ATP12A: variants seen among roughly 807,000 people sequenced by gnomAD.
ATP12A encodes ATPase H+/K+ transporting non-gastric alpha2 subunit, also known as potassium-transporting ATPase alpha chain 2.
A neutral mutation model predicts 111.2 loss-of-function variants in ATP12A; 81 were observed. That is an observed-to-expected ratio of 0.73 (90% confidence interval 0.61 to 0.88). The LOEUF (loss-of-function observed/expected upper bound fraction) is 0.88, where lower values mean the gene tolerates loss of function less well. Among genes scored for constraint, ATP12A ranks in the 40% least tolerant of loss-of-function variants. The probability of loss-of-function intolerance (pLI) is 0.00; values close to 1 mark genes in which losing one functional copy is unlikely to be tolerated. For missense variants in ATP12A, 1,196 were observed against 1,313.1 expected, an observed-to-expected ratio of 0.91 and a Z score of 1.38; for synonymous variants, 498 against 499.8, an observed-to-expected ratio of 1.00 and a Z score of 0.05.
rs756959120 is a variant in ATP12A at position 24,681,562 on chromosome 13, A to G, written c.10A>G (p.Lys4Glu). ...TATTGCACCTGGGCTTCTCTTTCAG[A>G]AAACCCCAGAAATTTACTCCGTGGA... is the stretch of plus-strand genomic sequence containing the variant. MHQ[K>E]TPEIYSVELS... The change falls in exon 2 of 23, where the codon AAA becomes GAA. Residue 4 changes from lysine to glutamate, a missense_variant and splice_region_variant. By Grantham distance (56) the Lys-to-Glu change is moderately conservative. This residue lies in a region of ATP12A where 67 missense variants were observed against 64.0 expected (regional missense o/e 1.05). Transcript: ENST00000381946. 1.2e-6 allele frequency: 2 copies of G among 1,608,728 alleles called. No homozygotes were observed. The highest frequency in any genetic ancestry group is 1.7e-6 in the Non-Finnish European group (2 of 1,178,708).
Position 24,694,537 on chromosome 13 carries a change from A to C in ATP12A, c.1471A>C (p.Lys491Gln). 6.2e-7 allele frequency: 1 copy of C among 1,613,844 alleles called. No homozygotes were observed. The highest frequency in any genetic ancestry group is 8.5e-7 in the Non-Finnish European group (1 of 1,180,034). ...GATGGAAATTAGAAAAAGAAACCGC[A>C]AAGTAGCTGAAATCCCTTTTAACTC... ...DVMEIRKRNRKVAEIPFNSTN... is the reference protein window; with the variant it reads ...DVMEIRKRNRQVAEIPFNSTN... The change falls in exon 11 of 23, where the codon AAA becomes CAA. Residue 491 changes from lysine to glutamine, a missense_variant. By Grantham distance (53) the Lys-to-Gln change is moderately conservative. Transcript: ENST00000381946.
chr13:24,709,547 TGGG>T, intron 18 of ATP12A, 60 bp downstream of exon 18: 1 of 1,597,382 alleles, frequency 6.3e-7, no homozygotes, highest in Admixed American at 1.7e-5. Context: ...TTCACTGGAG[TGGG>T]GGGCACAGCC....
intron 11 of ATP12A, among the ~76,000 whole-genome samples, chr13:24,695,161 C>T (rs1357636498): frequency 1.3e-5 from 2 of 152,238 alleles, no homozygotes; most frequent in African/African-American, 4.8e-5. Context: ...ACCAGGTCCA[C>T]GATTCTTCCA....
intron 17 of ATP12A, among the ~76,000 whole-genome samples, chr13:24,707,970 A>G (rs1208872775): frequency 6.6e-6 from 1 of 151,610 alleles, no homozygotes; most frequent in Non-Finnish European, 1.5e-5. Flanking sequence ...TTTTCAAGAC[A>G]TGAGTCTTCA....
At position 24,690,329 on chromosome 13, in the gene ATP12A, T is replaced by C. The variant is rs1262491555; in HGVS notation, c.547-9T>C. The stretch of plus-strand genomic sequence containing the variant: ...GGTCTGAGGCATCTGTCATGGTTTT[T>C]TTCTGCAGCAAGCTCTCGTCATCCG... On this transcript the variant is annotated splice_polypyrimidine_tract_variant and intron_variant, in intron 5 of 22. Coordinates refer to ENST00000381946, the MANE Select transcript of ATP12A (RefSeq NM_001676.7). The C allele has an allele frequency of 6.2e-7, 1 of 1,613,144 alleles. No individual in the cohort carries two copies. The highest frequency in any genetic ancestry group is 8.5e-7 in the Non-Finnish European group (1 of 1,179,858).
At chr13:24,681,848 G>T in intron 2 of ATP12A, 128 bp downstream of exon 2, 1 of 1,253,568 alleles carries the variant, frequency 8.0e-7, no homozygotes, top group Non-Finnish European at 1.1e-6. Flanking sequence ...GATTGTGTGT[G>T]GTGTGTGGTG....
chr13:24,700,631 T>A, intron 12 of ATP12A, 116 bp from the exon 13 acceptor site: 4 of 875,882 alleles, frequency 4.6e-6, no homozygotes, highest in Non-Finnish European at 6.8e-6. Context: ...AATTCTGGCT[T>A]ATTCTAATGT....
At chr13:24,705,576 C>G (rs2137718168) in intron 14 of ATP12A, among the ~76,000 whole-genome samples, 2 of 152,244 alleles carry the variant, frequency 1.3e-5, no homozygotes, top group East Asian at 3.8e-4. Flanking sequence ...CTCTGTAAAT[C>G]TGAAATACCC....
At position 24,694,533 on chromosome 13, in the gene ATP12A, C is replaced by T. The variant is rs186395106; in HGVS notation, c.1467C>T (p.Asn489=). 1 of 1,613,896 alleles carries T rather than the reference C, an allele frequency of 6.2e-7. No individual in the cohort carries two copies. The highest frequency in any genetic ancestry group is 1.7e-5 in the Admixed American group (1 of 60,026). ...ATGTGATGGAAATTAGAAAAAGAAA[C>T]CGCAAAGTAGCTGAAATCCCTTTTA... ...LGDVMEIRKR[N]RKVAEIPFNS... is the part of the protein sequence containing the mutation. The change falls in exon 11 of 23, where the codon AAC becomes AAT. Residue 489 remains asparagine (N), a synonymous_variant. Coordinates refer to ENST00000381946, the MANE Select transcript of ATP12A (RefSeq NM_001676.7).
chr13:24,694,863 A>T (rs200848436), intron 11 of ATP12A, among the ~76,000 whole-genome samples: 49 of 30,590 alleles, frequency 1.6e-3, no homozygotes, highest in East Asian at 0.016. Flanking sequence ...TCTCTCTCTC[A>T]CACACACACA....
In ATP12A at chr13:24,698,870, C is replaced by T; in HGVS notation, c.1705+20C>T. Reference sequence around the variant, plus strand: ...TGCTGGGTGAGTGCGGCGGCAGGGCCCTGCCCATCACCTGGTGGGCACAGA... The same window carrying T: ...TGCTGGGTGAGTGCGGCGGCAGGGCTCTGCCCATCACCTGGTGGGCACAGA... On this transcript the variant is annotated intron_variant, in intron 12 of 22. Coordinates refer to ENST00000381946, the MANE Select transcript of ATP12A (RefSeq NM_001676.7). 6.2e-7 allele frequency: 1 copy of T among 1,610,982 alleles called. No individual in the cohort carries two copies. Among genetic ancestry groups the T allele is most frequent in the South Asian group, 1.1e-5 (1 of 90,784 alleles).
rs1566078416 is a variant in ATP12A, at chr13:24,708,964, G to GAAAGAAAGAAA, written c.2494-400_2494-399insAAAGAAAGAAA. The stretch of plus-strand genomic sequence containing the variant: ...AAGAAAGAAAGAAAGAAAGAAAGAA[G>GAAAGAAAGAAA]GAAAGAGAAAGAGAAATGAATGCAA... On this transcript the variant is annotated intron_variant, in intron 17 of 22. Transcript: ENST00000381946. 3.0e-4 allele frequency among the ~76,000 whole-genome samples: 34 copies of GAAAGAAAGAAA among 114,822 alleles called. 1 individual carries two copies. The highest frequency in any genetic ancestry group is 1.9e-3 in the East Asian group (6 of 3,226). The allele number at this position is 114,822 out of a possible 152,430, so 75.3% of individuals were successfully genotyped here. A position where few individuals can be genotyped will look rare whatever the true frequency, so the allele number is the denominator to read the frequency against.
At chr13:24,688,154 G>A (rs1874735150) in intron 3 of ATP12A, among the ~76,000 whole-genome samples, 165 bp from the exon 4 acceptor site, 1 of 152,154 alleles carries the variant, frequency 6.6e-6, no homozygotes, top group Non-Finnish European at 1.5e-5. Context: ...AAAAAAGCTG[G>A]GCAGCTGGAG....
chr13:24,702,732 G>C (rs149804102), intron 14 of ATP12A, among the ~76,000 whole-genome samples: 2 of 152,166 alleles, frequency 1.3e-5, no homozygotes, highest in African/African-American at 4.8e-5. Flanking sequence ...GTAGCAAACT[G>C]AACAATACTA....
At chr13:24,681,518 A>C in intron 1 of ATP12A, 44 bp from the exon 2 acceptor site, 4 of 1,592,090 alleles carry the variant, frequency 2.5e-6, no homozygotes, top group Non-Finnish European at 3.4e-6. Flanking sequence ...ACCTCTTCGG[A>C]AACCCCATTT....
Position 24,698,642 on chromosome 13 carries a change from G to A in ATP12A, c.1513-16G>A, listed in dbSNP as rs762112931. On this transcript the variant is annotated splice_polypyrimidine_tract_variant and intron_variant, in intron 11 of 22. Transcript: ENST00000381946. Reference sequence around the variant, plus strand: ...CACCTTTCTGTAAGTAACACGCTCAGTTCATTCCTTCCCAGCTCTCCATCC... The same window carrying A: ...CACCTTTCTGTAAGTAACACGCTCAATTCATTCCTTCCCAGCTCTCCATCC... 41 of 1,611,594 alleles carry A rather than the reference G, an allele frequency of 2.5e-5. No individual in the cohort carries two copies. The East Asian group carries it at 7.1e-4, about 28-fold the overall frequency.
chr13:24,707,037 T>C lies in ATP12A; in HGVS notation c.2184T>C (p.Ala728=). ...CCCCGCCATAGGATGCTGTTGTTGCTGTGACCGGGGATGGAGTTAATGACT... is the reference window on the plus strand; with the variant it reads ...CCCCGCCATAGGATGCTGTTGTTGCCGTGACCGGGGATGGAGTTAATGACT... ...EGCQRQDAVV[A]VTGDGVNDSP... is the part of the protein sequence containing the mutation. Residue 728 remains alanine, a synonymous_variant, in exon 16 of 23, where the codon GCT becomes GCC. Transcript: ENST00000381946. 6.2e-7 allele frequency: 1 copy of C among 1,605,898 alleles called. No individual in the cohort carries two copies. The highest frequency in any genetic ancestry group is 8.5e-7 in the Non-Finnish European group (1 of 1,175,226).
chr13:24,681,847 T>C, intron 2 of ATP12A, 127 bp downstream of exon 2: 4 of 1,254,060 alleles, frequency 3.2e-6, no homozygotes, highest in Non-Finnish European at 4.4e-6. Flanking sequence ...AGATTGTGTG[T>C]GGTGTGTGGT....
Position 24,701,984 on chromosome 13 carries a change from A to G in ATP12A, c.1931A>G (p.Lys644Arg), listed in dbSNP as rs1875418577. 6.2e-7 allele frequency: 1 copy of G among 1,614,112 alleles called. No individual in the cohort carries two copies. Among genetic ancestry groups the G allele is most frequent in the Non-Finnish European group, 8.5e-7 (1 of 1,180,038 alleles). ...CCCATCACAGCCAAAGCTATTGCCA[A>G]GAGTGTGGGGATCATTTCAGCCAAC... is the stretch of plus-strand genomic sequence containing the variant. ...DHPITAKAIAKSVGIISANSE... is the reference protein window; with the variant it reads ...DHPITAKAIARSVGIISANSE... Residue 644 changes from lysine (K) to arginine (R), a missense_variant, in exon 14 of 23, where the codon AAG becomes AGG. By Grantham distance (26) the Lys-to-Arg change is conservative. Coordinates refer to ENST00000381946, the MANE Select transcript of ATP12A (RefSeq NM_001676.7).
Sources: gnomAD v4.1 joint callset for allele counts (sites outside exome capture counted in the v4.1 genomes callset) on GRCh38, gnomAD v4.1.1 for gene constraint, gnomAD v4.1.1 regional missense constraint, MANE v1.5 for transcripts, NCBI Gene and HGNC (gene_info 2026-07-23, HGNC 2026-07-21) for gene names.